Variants in TMEM132D observed in about 807,000 individuals in gnomAD.
The protein encoded by TMEM132D is mature OL transmembrane protein.
In TMEM132D, 21 loss-of-function variants were observed where a neutral mutation model predicts 62.3. The ratio of observed to expected loss-of-function variants is 0.34; its 90% confidence interval spans 0.24 to 0.49. The LOEUF (loss-of-function observed/expected upper bound fraction) is 0.49, where lower values mean the gene tolerates loss of function less well. TMEM132D is among the 20% of genes least tolerant of loss of function. The pLI is 0.99. For missense variants in TMEM132D, 1,346 were observed against 1,402.8 expected, an observed-to-expected ratio of 0.96 and a Z score of 0.65; for synonymous variants, 621 against 575.6, an observed-to-expected ratio of 1.08 and a Z score of -1.13.
chr12:129,157,301 G>A (rs1193897783), intron 5 of TMEM132D, among the ~76,000 whole-genome samples: 3 of 152,198 alleles, frequency 2.0e-5, no homozygotes. Flanking sequence ...TGTCAACATT[G>A]GTGCATTGGC....
At chr12:129,076,951 G>A (rs770299066) in intron 8 of TMEM132D, among the ~76,000 whole-genome samples, 47 of 152,154 alleles carry the variant, frequency 3.1e-4, no homozygotes, top group Admixed American at 6.5e-4. Flanking sequence ...CTTGCCTCTC[G>A]GCTGGCATCC....
At chr12:129,377,919 T>C (rs1020495081) in intron 3 of TMEM132D, among the ~76,000 whole-genome samples, 3 of 152,204 alleles carry the variant, frequency 2.0e-5, no homozygotes, top group African/African-American at 4.8e-5. Context: ...TTTAAATCAT[T>C]TGTGGAATGA....
intron 1 of TMEM132D, among the ~76,000 whole-genome samples, chr12:129,788,513 A>G (rs904160559): frequency 1.3e-5 from 2 of 152,254 alleles, no homozygotes; most frequent in Admixed American, 1.3e-4. Context: ...AGATATAGCT[A>G]TAAATACAGA....
chr12:129,149,810 A>T (rs999538337), intron 5 of TMEM132D, among the ~76,000 whole-genome samples: 1 of 152,100 alleles, frequency 6.6e-6, no homozygotes, highest in East Asian at 1.9e-4. Flanking sequence ...GTGTCTGGCT[A>T]TGGGGGCAGA....
At position 129,282,595 on chromosome 12, in the gene TMEM132D, C is replaced by A. The variant is rs137929800; in HGVS notation, c.1299+55039G>T. Among the ~76,000 whole-genome samples, 82 of 152,238 alleles carry A rather than the reference C, an allele frequency of 5.4e-4. 2 individuals are homozygous for A. In the East Asian group the frequency reaches 0.014, roughly 27 times the overall value. ...TCCATGTGTGGCAATAAGAAAACTG[C>A]ACTGAGTTTATATTCAATCCTGAGG... On this transcript the variant is annotated intron_variant, in intron 4 of 8. Coordinates refer to ENST00000422113, the MANE Select transcript of TMEM132D (RefSeq NM_133448.3).
chr12:129,098,526 A>G (rs1875187374), intron 5 of TMEM132D, among the ~76,000 whole-genome samples: 1 of 152,234 alleles, frequency 6.6e-6, no homozygotes, highest in South Asian at 2.1e-4. Context: ...AAGATAAGGC[A>G]GTATTTTAAT....
chr12:129,138,961 C>A (rs141954375), intron 5 of TMEM132D, among the ~76,000 whole-genome samples: 5 of 152,174 alleles, frequency 3.3e-5, no homozygotes, highest in African/African-American at 9.6e-5. Context: ...CAGACTCAAC[C>A]TTGACATCCT....
At chr12:129,729,414 A>G (rs538440299) in intron 1 of TMEM132D, among the ~76,000 whole-genome samples, 1 of 152,318 alleles carries the variant, frequency 6.6e-6, no homozygotes, top group African/African-American at 2.4e-5. Context: ...TTTGGCCTCT[A>G]GTCAATACAT....
intron 2 of TMEM132D, among the ~76,000 whole-genome samples, chr12:129,594,049 A>G (rs1244987086): frequency 6.6e-6 from 1 of 152,184 alleles, no homozygotes; most frequent in African/African-American, 2.4e-5. Flanking sequence ...CAAGGGGCTC[A>G]CTTCTGGCTT....
At chr12:129,396,726 A>G (rs1475205069) in intron 3 of TMEM132D, among the ~76,000 whole-genome samples, 2 of 152,192 alleles carry the variant, frequency 1.3e-5, no homozygotes, top group Non-Finnish European at 2.9e-5. Flanking sequence ...ATTCTTTCTT[A>G]AAGCACCTAA....
rs146307004 is a variant in TMEM132D at position 129,820,811 on chromosome 12, A to T, written c.79+82450T>A. Among the ~76,000 whole-genome samples the T allele has an allele frequency of 6.6e-3, 1,002 of 152,216 alleles. 16 individuals carry two copies. Among genetic ancestry groups the T allele is most frequent in the African/African-American group, 0.023 (944 of 41,548 alleles). On this transcript the variant is annotated intron_variant, in intron 1 of 8. Transcript: ENST00000422113. ...GCTATGTTGCCCAGGCTGGCCTCAA[A>T]CTCGTGGGCTCAAGCCATCCTCCTG...
intron 1 of TMEM132D, among the ~76,000 whole-genome samples, chr12:129,769,570 G>A (rs1467612565): frequency 6.6e-6 from 1 of 152,098 alleles, no homozygotes; most frequent in Non-Finnish European, 1.5e-5. Context: ...AGGCTTTCTT[G>A]CATACCTACA....
chr12:129,567,355 T>C (rs1363234532), intron 2 of TMEM132D, among the ~76,000 whole-genome samples: 4 of 151,992 alleles, frequency 2.6e-5, no homozygotes, highest in African/African-American at 9.7e-5. Flanking sequence ...AAATGCAAGA[T>C]AGACCAGAAG....
chr12:129,522,240 T>C (rs942141097), intron 3 of TMEM132D, among the ~76,000 whole-genome samples: 1 of 152,128 alleles, frequency 6.6e-6, no homozygotes, highest in Admixed American at 6.6e-5. Flanking sequence ...GAAACCAAAC[T>C]GTATATATTA....
intron 5 of TMEM132D, 175 bp from the exon 6 acceptor site, chr12:129,084,877 A>G: frequency 1.7e-6 from 1 of 602,938 alleles, no homozygotes; most frequent in East Asian, 2.9e-5. Context: ...CTTTTGAGTA[A>G]TAATAGCAGA....
chr12:129,282,699 A>G (rs1276093355), intron 4 of TMEM132D, among the ~76,000 whole-genome samples: 1 of 152,232 alleles, frequency 6.6e-6, no homozygotes, highest in Non-Finnish European at 1.5e-5. Flanking sequence ...TGAAAATTAG[A>G]AAACTCCACA....
chr12:129,616,986 TTTTTTGC>T (rs1878936110), intron 2 of TMEM132D, among the ~76,000 whole-genome samples: 1 of 152,318 alleles, frequency 6.6e-6, no homozygotes, highest in Middle Eastern at 3.4e-3. Context: ...TTGTTTTTTG[TTTTTTGC>T]ATGCATCATT....
chr12:129,140,214 C>CCACACACA (rs58179230), intron 5 of TMEM132D, among the ~76,000 whole-genome samples: 45,934 of 148,396 alleles, frequency 0.31, 7,711 homozygotes, highest in Non-Finnish European at 0.39. Context: ...GGCGCTGTTA[C>CCACACACA]CACACACACA....
intron 3 of TMEM132D, among the ~76,000 whole-genome samples, chr12:129,401,943 G>A: frequency 1.3e-5 from 2 of 152,188 alleles, no homozygotes; most frequent in East Asian, 3.9e-4. Flanking sequence ...CAGGTCCCCT[G>A]GCTCTGTGAC....
Sources: gnomAD v4.1 joint callset for allele counts (sites outside exome capture counted in the v4.1 genomes callset) on GRCh38, gnomAD v4.1.1 for gene constraint, MANE v1.5 for transcripts, NCBI Gene and HGNC (gene_info 2026-07-23, HGNC 2026-07-21) for gene names.